The following NRG3 variants were observed in gnomAD, a reference collection of about 807,000 sequenced individuals.
NRG3 encodes the protein neuregulin 3, also known as pro-neuregulin-3, membrane-bound isoform.
Under a neutral mutation model 66.9 loss-of-function variants are expected in NRG3, and 31 were observed. The observed-to-expected ratio is 0.46, with a 90% confidence interval of 0.35 to 0.63. The LOEUF (loss-of-function observed/expected upper bound fraction) is 0.63, where lower values mean the gene tolerates loss of function less well. Ranked by LOEUF, NRG3 falls within the 20% of genes least tolerant of loss-of-function variation. NRG3 has a pLI of 0.00. For synonymous variants in NRG3, 393 were observed against 359.4 expected, an observed-to-expected ratio of 1.09 and a Z score of -1.06; for missense variants, 910 against 878.9, an observed-to-expected ratio of 1.04 and a Z score of -0.45.
intron 3 of NRG3, among the ~76,000 whole-genome samples, chr10:82,862,477 A>C (rs76360653): frequency 6.6e-6 from 1 of 152,186 alleles, no homozygotes; most frequent in Non-Finnish European, 1.5e-5. Flanking sequence ...TATGTGTTAG[A>C]GCATGTAGAT....
intron 4 of NRG3, among the ~76,000 whole-genome samples, chr10:82,904,939 A>G (rs1844584180): frequency 6.6e-6 from 1 of 152,130 alleles, no homozygotes; most frequent in South Asian, 2.1e-4. Flanking sequence ...TTAAAAGAAC[A>G]TTTTCTATCC....
At chr10:82,790,790 A>G (rs549989772) in intron 3 of NRG3, among the ~76,000 whole-genome samples, 3 of 151,718 alleles carry the variant, frequency 2.0e-5, no homozygotes, top group Non-Finnish European at 4.4e-5. Context: ...CTGTTTCTCA[A>G]ACCATAAAAT....
rs376645705 is a variant in NRG3, at chr10:81,959,700, T to C, written c.823+83537T>C. Among the ~76,000 whole-genome samples the C allele has an allele frequency of 3.6e-4, 55 of 152,288 alleles. 1 individual carries two copies. In the East Asian group the frequency reaches 6.0e-3, roughly 17 times the overall value. The stretch of plus-strand genomic sequence containing the variant: ...TTTTTTTTTAGAGATACAGAAGGGC[T>C]TGTGAAAATTATGCATTCTAGGTTG... On this transcript the variant is annotated intron_variant, in intron 1 of 8. Coordinates refer to ENST00000372141, the MANE Select transcript of NRG3 (RefSeq NM_001010848.4).
intron 1 of NRG3, among the ~76,000 whole-genome samples, chr10:82,254,798 A>T (rs888971788): frequency 1.3e-5 from 2 of 152,222 alleles, no homozygotes; most frequent in Non-Finnish European, 1.5e-5. Context: ...GTAGTTTTGT[A>T]TTATAACTGA....
At chr10:82,582,662 T>TTGTGTGTG (rs141112949) in intron 2 of NRG3, among the ~76,000 whole-genome samples, 7,267 of 146,400 alleles carry the variant, frequency 0.05, 234 homozygotes, top group Non-Finnish European at 0.074. Flanking sequence ...TCTATATGTG[T>TTGTGTGTG]TGTGTGTGTG....
At position 82,840,840 on chromosome 10, in the gene NRG3, G is replaced by A. The variant is rs372913535; in HGVS notation, c.1028-24571G>A. ...TTAGAGTTTATCACTTCTGCCTCGT[G>A]TCTTTTTTTTTCTGTATTAATCAGA... On this transcript the variant is annotated intron_variant, in intron 3 of 8. Coordinates refer to ENST00000372141, the MANE Select transcript of NRG3 (RefSeq NM_001010848.4). Among the ~76,000 whole-genome samples, 4 of 152,144 alleles carry A rather than the reference G, an allele frequency of 2.6e-5. No individual in the cohort carries two copies. In the East Asian group the frequency reaches 7.7e-4, roughly 29 times the overall value.
At chr10:82,408,794 G>A (rs1253773948) in intron 2 of NRG3, among the ~76,000 whole-genome samples, 1 of 151,874 alleles carries the variant, frequency 6.6e-6, no homozygotes, top group East Asian at 1.9e-4. Flanking sequence ...AAGTCACATA[G>A]ACTAAGAGTG....
chr10:82,742,889 G>A (rs1053390522), intron 3 of NRG3, among the ~76,000 whole-genome samples: 1 of 152,106 alleles, frequency 6.6e-6, no homozygotes, highest in Non-Finnish European at 1.5e-5. Context: ...CTGTGAGCCA[G>A]CGAAGGTTTT....
chr10:82,854,783 C>A (rs1343102293), intron 3 of NRG3, among the ~76,000 whole-genome samples: 1 of 152,116 alleles, frequency 6.6e-6, no homozygotes, highest in Non-Finnish European at 1.5e-5. Flanking sequence ...CCTAAGAGTA[C>A]CTCCTCCTGG....
At chr10:82,866,963 G>T (rs554192323) in intron 4 of NRG3, among the ~76,000 whole-genome samples, 75 of 152,222 alleles carry the variant, frequency 4.9e-4, no homozygotes, top group Middle Eastern at 3.4e-3. Context: ...GATAATGCTA[G>T]GGTTGGGACA....
intron 4 of NRG3, among the ~76,000 whole-genome samples, chr10:82,936,632 C>T (rs1848095128): frequency 6.6e-6 from 1 of 152,094 alleles, no homozygotes; most frequent in African/African-American, 2.4e-5. Flanking sequence ...AAAATGATAA[C>T]CATGTGAGGT....
intron 1 of NRG3, among the ~76,000 whole-genome samples, chr10:82,057,419 A>T (rs958221188): frequency 6.6e-6 from 1 of 152,044 alleles, no homozygotes; most frequent in Non-Finnish European, 1.5e-5. Context: ...ATTCTGTGGT[A>T]TGTTGGTTCT....
intron 1 of NRG3, among the ~76,000 whole-genome samples, chr10:82,106,645 G>T (rs369009494): frequency 3.3e-5 from 5 of 151,572 alleles, no homozygotes; most frequent in African/African-American, 1.2e-4. Flanking sequence ...AGCTGGGACT[G>T]CAGGCGCGCA....
At chr10:81,889,427 T>C (rs1177661971) in intron 1 of NRG3, 2 of 152,204 alleles carry the variant, frequency 1.3e-5, no homozygotes, top group Admixed American at 6.5e-5. Context: ...GTGCCTGTCA[T>C]GGACTGGAGA....
rs183395074 is a variant in NRG3 at position 82,174,324 on chromosome 10, A to G, written c.824-184415A>G. Among the ~76,000 whole-genome samples the G allele has an allele frequency of 4.0e-5, 6 of 151,802 alleles. No homozygotes were observed. The East Asian group carries it at 9.7e-4, about 25-fold the overall frequency. On this transcript the variant is annotated intron_variant, in intron 1 of 8. Transcript: ENST00000372141. ...TATCCCTTTACCTTTATCTCCCTTC[A>G]TACTTACCTCTTTCCAGCCACTTAA...
chr10:82,033,884 T>C (rs1344628895), intron 1 of NRG3, among the ~76,000 whole-genome samples: 3 of 152,286 alleles, frequency 2.0e-5, no homozygotes, highest in African/African-American at 7.2e-5. Flanking sequence ...ATACATATTC[T>C]TTATTCTTGC....
intron 1 of NRG3, among the ~76,000 whole-genome samples, chr10:81,928,925 G>T (rs1847079961): frequency 6.6e-6 from 1 of 152,090 alleles, no homozygotes; most frequent in Admixed American, 6.5e-5. Context: ...GGGCCCAAGT[G>T]ATCCTCCCAC....
chr10:82,484,103 A>T (rs145512077), intron 2 of NRG3, among the ~76,000 whole-genome samples: 1 of 152,196 alleles, frequency 6.6e-6, no homozygotes, highest in Non-Finnish European at 1.5e-5. Flanking sequence ...AAACAGTGTA[A>T]TGATTTAAAA....
intron 1 of NRG3, among the ~76,000 whole-genome samples, chr10:82,248,644 G>A (rs1026476632): frequency 1.1e-4 from 17 of 152,052 alleles, no homozygotes. Context: ...ATAATTCCTG[G>A]CCCTTGGTAA....
Sources: allele counts gnomAD v4.1 joint callset (sites outside exome capture counted in the v4.1 genomes callset), GRCh38; gene constraint gnomAD v4.1.1; transcripts MANE v1.5; gene names NCBI Gene and HGNC (gene_info 2026-07-23, HGNC 2026-07-21).